ICE2: variants seen among roughly 807,000 people sequenced by gnomAD.
ICE2 encodes interactor of little elongation complex ELL subunit 2.
Under a neutral mutation model 105.4 loss-of-function variants are expected in ICE2, and 87 were observed. The observed-to-expected ratio is 0.83, with a 90% CI of 0.69 to 0.99. ICE2 has a LOEUF of 0.99. ICE2 is among the 50% of genes least tolerant of loss of function. The probability of loss-of-function intolerance (pLI) is 0.00; values close to 1 mark genes in which losing one functional copy is unlikely to be tolerated. For synonymous variants in ICE2, 399 were observed against 392.0 expected, an observed-to-expected ratio of 1.02 and a Z score of -0.21; for missense variants, 1,323 against 1,146.7, an observed-to-expected ratio of 1.15 and a Z score of -2.22.
Position 60,453,394 on chromosome 15 carries a change from T to C in ICE2, c.1125+209A>G, listed in dbSNP as rs112385649. The C allele has an allele frequency of 2.0e-5, 28 of 1,366,648 alleles. 1 individual carries two copies. The African/African-American group carries it at 2.5e-4, about 12-fold the overall frequency. 84.7% of individuals were successfully genotyped at this position (1,366,648 alleles called of 1,614,324 possible). On this transcript the variant is annotated intron_variant, in intron 9 of 15. Coordinates refer to ENST00000261520, the MANE Select transcript of ICE2 (RefSeq NM_024611.6). ...CATAATAACCTTGTCAAGTAGGTAC[T>C]ACTTCCTTTCATGTATGAAAGGAGA... is the stretch of plus-strand genomic sequence containing the variant.
intron 3 of ICE2, 27 bp from the exon 4 acceptor site, chr15:60,468,349 T>C (rs1595816605): frequency 4.5e-6 from 7 of 1,554,116 alleles, no homozygotes; most frequent in African/African-American, 4.1e-5. Context: ...AATTTACAAA[T>C]ATGTGCTTTT....
intron 6 of ICE2, among the ~76,000 whole-genome samples, chr15:60,456,122 G>T (rs1233082356): frequency 6.6e-6 from 1 of 151,658 alleles, no homozygotes; most frequent in Non-Finnish European, 1.5e-5. Context: ...GAAAATCAAG[G>T]AACAAAGTAG....
chr15:60,474,270 A>G (rs571234592), intron 3 of ICE2, among the ~76,000 whole-genome samples: 46 of 152,206 alleles, frequency 3.0e-4, no homozygotes, highest in South Asian at 1.9e-3. Flanking sequence ...GGAATCAAAA[A>G]AGCACTTTTT....
chr15:60,468,901 G>C (rs1373847932), intron 3 of ICE2, among the ~76,000 whole-genome samples: 1 of 152,086 alleles, frequency 6.6e-6, no homozygotes, highest in Non-Finnish European at 1.5e-5. Flanking sequence ...TATCACTCTG[G>C]TACATGGCTG....
rs192607038 is a variant in ICE2, at chr15:60,472,054, A to T, written c.147-3732T>A. Among the ~76,000 whole-genome samples the T allele has an allele frequency of 1.5e-3, 228 of 147,844 alleles. 1 individual carries two copies. The highest frequency in any genetic ancestry group is 5.4e-3 in the African/African-American group (217 of 40,488). On this transcript the variant is annotated intron_variant, in intron 3 of 15. Transcript: ENST00000261520. Reference sequence around the variant, plus strand: ...GTATCTGCAAACAGAAACTTTAATTAAAAAAAAAAGGTAATCGTTTACAGT... The same window carrying T: ...GTATCTGCAAACAGAAACTTTAATTTAAAAAAAAAGGTAATCGTTTACAGT...
intron 15 of ICE2, among the ~76,000 whole-genome samples, chr15:60,426,623 C>G (rs1218335879): frequency 6.6e-6 from 1 of 152,182 alleles, no homozygotes; most frequent in African/African-American, 2.4e-5. Context: ...GCATTCAACA[C>G]TATTTTAGTG....
chr15:60,443,495 T>A (rs1188030771), intron 11 of ICE2, among the ~76,000 whole-genome samples: 3 of 150,486 alleles, frequency 2.0e-5, no homozygotes, highest in African/African-American at 4.8e-5. Context: ...AATATTTTTC[T>A]TATCAACAGT....
At chr15:60,467,483 TTC>T (rs537866003) in intron 4 of ICE2, among the ~76,000 whole-genome samples, 20 of 152,324 alleles carry the variant, frequency 1.3e-4, no homozygotes, top group African/African-American at 4.8e-4. Flanking sequence ...AGATAGTTTT[TTC>T]TTTTTTTAAA....
intron 5 of ICE2, among the ~76,000 whole-genome samples, chr15:60,459,109 T>C (rs1344926479): frequency 1.3e-5 from 2 of 152,208 alleles, no homozygotes; most frequent in Non-Finnish European, 2.9e-5. Flanking sequence ...ACGGTAAATT[T>C]TGTTATGTAT....
chr15:60,474,786 C>T (rs934560077), intron 3 of ICE2, among the ~76,000 whole-genome samples: 1 of 151,930 alleles, frequency 6.6e-6, no homozygotes, highest in African/African-American at 2.4e-5. Flanking sequence ...TATGTGGAGT[C>T]CAGGGATTAT....
At chr15:60,452,002 TGTC>T in intron 9 of ICE2, 1 of 696,886 alleles carries the variant, frequency 1.4e-6, no homozygotes, top group Non-Finnish European at 1.8e-6. Flanking sequence ...CTTTTTTAGA[TGTC>T]ATCAATAAAA....
chr15:60,424,457 T>C (rs1256197089), intron 15 of ICE2, among the ~76,000 whole-genome samples: 1 of 25,172 alleles, frequency 4.0e-5, no homozygotes, highest in African/African-American at 1.1e-4. Context: ...TACCTTCAAG[T>C]CTACCCTTCC....
At chr15:60,436,825 A>C (rs192935576) in intron 12 of ICE2, among the ~76,000 whole-genome samples, 5 of 151,976 alleles carry the variant, frequency 3.3e-5, no homozygotes, top group Non-Finnish European at 7.4e-5. Context: ...TTTTTATGTT[A>C]ATACATATTA....
Position 60,420,982 on chromosome 15 carries a change from A to T in ICE2, c.*2652T>A, listed in dbSNP as rs1354253644. 1 of 152,334 alleles carries T rather than the reference A, an allele frequency of 6.6e-6. No homozygotes were observed. Among genetic ancestry groups the T allele is most frequent in the East Asian group, 1.9e-4 (1 of 5,192 alleles). 9.4% of individuals were successfully genotyped at this position (152,334 alleles called of 1,614,324 possible). ...CCTGTCCTTGCAGAGCTTGTAATCT[A>T]TAAGAAAAGAAAATCAAAGAAACAA... On this transcript the variant is annotated 3_prime_UTR_variant, in exon 16 of 16. Coordinates refer to ENST00000261520, the MANE Select transcript of ICE2 (RefSeq NM_024611.6).
chr15:60,436,746 T>C (rs1326326302), intron 12 of ICE2, among the ~76,000 whole-genome samples: 1 of 141,316 alleles, frequency 7.1e-6, no homozygotes, highest in Non-Finnish European at 1.6e-5. Flanking sequence ...AAAAAGAAAG[T>C]TACATTTGCA....
chr15:60,426,044 G>T (rs763770829), intron 15 of ICE2, among the ~76,000 whole-genome samples: 1 of 152,138 alleles, frequency 6.6e-6, no homozygotes, highest in Admixed American at 6.6e-5. Context: ...GGATAATCTC[G>T]TTAAGTATTT....
intron 3 of ICE2, among the ~76,000 whole-genome samples, chr15:60,473,185 C>T (rs1294041422): frequency 6.6e-6 from 1 of 152,026 alleles, no homozygotes; most frequent in Non-Finnish European, 1.5e-5. Context: ...TCAAGTGATC[C>T]TCTTGCCCCT....
rs1226160325 is a variant in ICE2 at position 60,422,192 on chromosome 15, G to A, written c.*1442C>T. 1 of 151,160 alleles carries A rather than the reference G, an allele frequency of 6.6e-6. No homozygotes were observed. The highest frequency in any genetic ancestry group is 2.4e-5 in the African/African-American group (1 of 41,056). 9.4% of individuals were successfully genotyped at this position (151,160 alleles called of 1,614,324 possible). A position where few individuals can be genotyped will look rare whatever the true frequency, so the allele number is the denominator to read the frequency against. ...TCTGATACTCAAGCTGAGTTCTGTG[G>A]TGCGATCACAACTCACTGTAGCCTT... On this transcript the variant is annotated 3_prime_UTR_variant, in exon 16 of 16. Coordinates refer to ENST00000261520, the MANE Select transcript of ICE2 (RefSeq NM_024611.6).
chr15:60,474,812 T>C (rs2064710633), intron 3 of ICE2, among the ~76,000 whole-genome samples: 1 of 152,118 alleles, frequency 6.6e-6, no homozygotes, highest in Non-Finnish European at 1.5e-5. Context: ...ACAGGAAAAC[T>C]TGAGCATGTT....
Sources: gnomAD v4.1 joint callset for allele counts (sites outside exome capture counted in the v4.1 genomes callset) on GRCh38, gnomAD v4.1.1 for gene constraint, MANE v1.5 for transcripts, NCBI Gene and HGNC (gene_info 2026-07-23, HGNC 2026-07-21) for gene names.